The following PTPRT variants were observed in gnomAD, a reference collection of about 807,000 sequenced individuals.
The protein encoded by PTPRT is receptor-type tyrosine-protein phosphatase T.
PTPRT carries 56 observed loss-of-function variants against 176.8 expected under a neutral mutation model. The ratio of observed to expected loss-of-function variants is 0.32; its 90% confidence interval spans 0.26 to 0.40. The LOEUF is 0.40. Among genes scored for constraint, PTPRT ranks in the 10% least tolerant of loss-of-function variants. The pLI, the probability that PTPRT is intolerant of heterozygous loss-of-function variation, is 1.00. For synonymous variants in PTPRT, 783 were observed against 739.0 expected (o/e 1.06, Z -0.96); for missense variants, 1,540 against 1,908.2 (o/e 0.81, Z 3.60).
Position 42,285,391 on chromosome 20 carries a change from G to A in PTPRT, c.2140-2866C>T, listed in dbSNP as rs1010550065. On this transcript the variant is annotated intron_variant, in intron 12 of 30. Transcript: ENST00000373187. ...ATATTAGAAAACTTGCCAGTTCTGT[G>A]CATGATTTTTGAATAGAGCAGAGGG... Among the ~76,000 whole-genome samples, 9 of 152,000 alleles carry A rather than the reference G, an allele frequency of 5.9e-5. No individual in the cohort carries two copies. The South Asian group carries it at 1.4e-3, about 24-fold the overall frequency.
intron 7 of PTPRT, among the ~76,000 whole-genome samples, chr20:42,597,384 A>G (rs961635635): frequency 1.7e-4 from 26 of 152,150 alleles, no homozygotes; most frequent in African/African-American, 6.3e-4. Flanking sequence ...GCCATATTCT[A>G]TGGCGATATG....
At chr20:42,697,927 C>A (rs2075907857) in intron 6 of PTPRT, among the ~76,000 whole-genome samples, 1 of 152,210 alleles carries the variant, frequency 6.6e-6, no homozygotes, top group African/African-American at 2.4e-5. Context: ...GTAAAGCAAT[C>A]TGCTTAAAGC....
chr20:42,544,289 T>C (rs1321390989), intron 7 of PTPRT, among the ~76,000 whole-genome samples: 2 of 152,232 alleles, frequency 1.3e-5, no homozygotes, highest in Non-Finnish European at 2.9e-5. Flanking sequence ...CTACAGCTTC[T>C]GCATAAGCAT....
rs1225112673 is a variant in PTPRT at position 42,256,567 on chromosome 20, A to C, written c.2177-7745T>G. ...ATGTTGATACAGGAAAAAAAAATAG[A>C]CTAGATGATTAAATCAGGTTCCCCC... On this transcript the variant is annotated intron_variant, in intron 13 of 30. Transcript: ENST00000373187. Among the ~76,000 whole-genome samples, 5 of 151,996 alleles carry C rather than the reference A, an allele frequency of 3.3e-5. No homozygotes were observed. The South Asian group carries it at 1.0e-3, about 32-fold the overall frequency.
At chr20:42,960,243 G>A (rs910173491) in intron 1 of PTPRT, among the ~76,000 whole-genome samples, 11 of 152,234 alleles carry the variant, frequency 7.2e-5, no homozygotes, top group Middle Eastern at 3.4e-3. Flanking sequence ...AATTGTAGAC[G>A]TTTATTTTTC....
chr20:42,876,453 C>T (rs573149143), intron 2 of PTPRT, among the ~76,000 whole-genome samples: 1 of 152,126 alleles, frequency 6.6e-6, no homozygotes, highest in East Asian at 1.9e-4. Context: ...GTGCCAGGCC[C>T]CAGAGCGAAG....
chr20:42,163,689 A>T (rs1172148632), intron 16 of PTPRT, among the ~76,000 whole-genome samples: 1 of 152,212 alleles, frequency 6.6e-6, no homozygotes, highest in Admixed American at 6.5e-5. Context: ...CTGAGAGATG[A>T]AGGCACATGT....
At chr20:42,540,581 T>C (rs1418492629) in intron 7 of PTPRT, among the ~76,000 whole-genome samples, 9 of 151,948 alleles carry the variant, frequency 5.9e-5, no homozygotes, top group African/African-American at 1.9e-4. Flanking sequence ...TGTAGGAGGA[T>C]GAAATTGAAA....
chr20:42,992,906 T>A (rs546623875), intron 1 of PTPRT, among the ~76,000 whole-genome samples: 1 of 152,194 alleles, frequency 6.6e-6, no homozygotes, highest in Non-Finnish European at 1.5e-5. Flanking sequence ...CCTCCAAGTA[T>A]GGCCACCTTT....
At chr20:42,043,762 A>G in the PTPRT span, among the ~76,000 whole-genome samples, 1 of 152,230 alleles carries the variant, frequency 6.6e-6, no homozygotes, top group Non-Finnish European at 1.5e-5. Context: ...AGACACTTTT[A>G]TCATCTTACA....
intron 7 of PTPRT, among the ~76,000 whole-genome samples, chr20:42,664,794 A>G (rs1335786367): frequency 3.9e-5 from 6 of 152,172 alleles, no homozygotes; most frequent in African/African-American, 4.8e-5. Flanking sequence ...ATAATGCCAC[A>G]TATCTACAAC....
At chr20:42,937,209 T>C (rs1980241851) in intron 1 of PTPRT, among the ~76,000 whole-genome samples, 1 of 152,236 alleles carries the variant, frequency 6.6e-6, no homozygotes, top group Admixed American at 6.5e-5. Flanking sequence ...AATGTGCAGC[T>C]ATTACATGCC....
At chr20:42,510,238 A>G (rs1303765228) in intron 7 of PTPRT, among the ~76,000 whole-genome samples, 1 of 152,074 alleles carries the variant, frequency 6.6e-6, no homozygotes, top group Non-Finnish European at 1.5e-5. Context: ...CCCCTTGAAA[A>G]TGCCCCAGGA....
At chr20:42,247,190 G>C (rs1003358436) in intron 14 of PTPRT, among the ~76,000 whole-genome samples, 1 of 152,106 alleles carries the variant, frequency 6.6e-6, no homozygotes, top group African/African-American at 2.4e-5. Context: ...GGAGCTTGAG[G>C]CAAGACATGA....
chr20:42,086,745 A>T (rs372763434), intron 27 of PTPRT, among the ~76,000 whole-genome samples: 13,694 of 45,806 alleles, frequency 0.3, 2,654 homozygotes, highest in South Asian at 0.51. Context: ...AAAAAAAAAA[A>T]AAAAAAAAAT....
At chr20:42,887,905 C>T (rs1568661668) in intron 1 of PTPRT, among the ~76,000 whole-genome samples, 2 of 152,098 alleles carry the variant, frequency 1.3e-5, no homozygotes, top group Non-Finnish European at 2.9e-5. Flanking sequence ...GGGCTCTGTT[C>T]TCAGAAATGA....
intron 1 of PTPRT, among the ~76,000 whole-genome samples, chr20:43,047,073 C>G (rs1411554818): frequency 2.0e-5 from 3 of 151,910 alleles, no homozygotes; most frequent in African/African-American, 7.3e-5. Flanking sequence ...CCTCCCTTCC[C>G]CTCCCTCCTC....
chr20:42,988,857 C>A (rs1278120987), intron 1 of PTPRT, among the ~76,000 whole-genome samples: 2 of 152,166 alleles, frequency 1.3e-5, no homozygotes, highest in Non-Finnish European at 2.9e-5. Flanking sequence ...CTGCAACTGC[C>A]AACACCCATG....
intron 11 of PTPRT, among the ~76,000 whole-genome samples, chr20:42,322,705 G>A (rs1282840655): frequency 2.0e-5 from 3 of 151,880 alleles, no homozygotes; most frequent in African/African-American, 7.3e-5. Context: ...CATGGGCAAG[G>A]ACTTCATGTC....
Sources: gnomAD v4.1 joint callset for allele counts (sites outside exome capture counted in the v4.1 genomes callset) on GRCh38, gnomAD v4.1.1 for gene constraint, MANE v1.5 for transcripts, NCBI Gene and HGNC (gene_info 2026-07-23, HGNC 2026-07-21) for gene names.